Variants in SYN3 observed in about 807,000 individuals in gnomAD.
The protein encoded by SYN3 is synapsin III.
In SYN3, 35 loss-of-function variants were observed where a neutral mutation model predicts 65.8. The observed-to-expected ratio is 0.53, with a 90% CI of 0.41 to 0.70. SYN3 has a LOEUF of 0.70. Among genes scored for constraint, SYN3 ranks in the 30% least tolerant of loss-of-function variants. The pLI is 0.00. For synonymous variants in SYN3, 270 were observed against 292.9 expected (o/e 0.92, Z 0.80); for missense variants, 680 against 749.0 (o/e 0.91, Z 1.08).
chr22:32,582,957 A>G (rs576844960), intron 7 of SYN3, among the ~76,000 whole-genome samples: 19 of 152,274 alleles, frequency 1.2e-4, no homozygotes, highest in African/African-American at 4.6e-4. Context: ...CATGACGTGA[A>G]CAAGGCTGAG....
At chr22:32,514,362 A>G in intron 13 of SYN3, 1 of 152,618 alleles carries the variant, frequency 6.6e-6, no homozygotes, top group Non-Finnish European at 1.5e-5. Flanking sequence ...CTGTAGAGCG[A>G]AGGGTTTGTC....
At chr22:32,868,096 C>A (rs1217301798) in intron 5 of SYN3, among the ~76,000 whole-genome samples, 2 of 152,298 alleles carry the variant, frequency 1.3e-5, no homozygotes, top group Admixed American at 1.3e-4. Context: ...GAAGGGTTGA[C>A]ACTCACTTCA....
intron 13 of SYN3, among the ~76,000 whole-genome samples, chr22:32,516,346 GATTTATTT>G (rs58972175): frequency 0.018 from 2,725 of 149,944 alleles, 66 homozygotes; most frequent in African/African-American, 0.062. Flanking sequence ...ATACATCTTT[GATTTATTT>G]ATTTATTTAT....
chr22:32,998,805 G>C (rs1475821092), intron 2 of SYN3, among the ~76,000 whole-genome samples: 1 of 75,346 alleles, frequency 1.3e-5, no homozygotes, highest in African/African-American at 6.0e-5. Flanking sequence ...AAAAACAAAA[G>C]TCCCTCCATC....
chr22:32,563,173 AG>A (rs2058611687), intron 7 of SYN3, among the ~76,000 whole-genome samples: 1 of 152,238 alleles, frequency 6.6e-6, no homozygotes, highest in Non-Finnish European at 1.5e-5. Flanking sequence ...GAGGCACTAT[AG>A]GTAAGAGGTT....
At chr22:32,887,248 CACATCTGTAGTCCCAGCTACTT>C (rs1341752356) in intron 4 of SYN3, among the ~76,000 whole-genome samples, 1 of 151,980 alleles carries the variant, frequency 6.6e-6, no homozygotes, top group Non-Finnish European at 1.5e-5. Context: ...CATGGTGATG[CACATCTGTAGTCCCAGCTACTT>C]GGGAGGCTGA....
chr22:32,654,772 G>A (rs1250922671), intron 6 of SYN3, among the ~76,000 whole-genome samples: 6 of 152,156 alleles, frequency 3.9e-5, no homozygotes, highest in Non-Finnish European at 5.9e-5. Flanking sequence ...CCCATTCCAC[G>A]TGTTCGGCAG....
intron 3 of SYN3, among the ~76,000 whole-genome samples, chr22:32,958,615 C>T (rs5998669): frequency 0.047 from 7,168 of 152,216 alleles, 410 homozygotes; most frequent in African/African-American, 0.14. Context: ...TGTTTTAGCA[C>T]TTACTATGTG....
In SYN3 at chr22:32,518,219, C is replaced by A; in HGVS notation, c.1434G>T (p.Gln478His). The A allele has an allele frequency of 1.2e-6, 2 of 1,613,906 alleles. No individual in the cohort carries two copies. Among genetic ancestry groups the A allele is most frequent in the Non-Finnish European group, 1.7e-6 (2 of 1,179,968 alleles). Residue 478 changes from glutamine to histidine, a missense_variant, in exon 13 of 14, where the codon CAG becomes CAT. Transcript: ENST00000358763. ...PLSPQSGSPQ[Q>H]QRSPGSPQLS... Reference sequence around the variant, plus strand: ...GCTGCGGAGAGCCTGGTGACCTTTGCTGCTGTGGAGATCCGGACTGGGGGC... The same window carrying A: ...GCTGCGGAGAGCCTGGTGACCTTTGATGCTGTGGAGATCCGGACTGGGGGC...
At chr22:32,904,512 G>A (rs914086984) in intron 4 of SYN3, among the ~76,000 whole-genome samples, 4 of 152,144 alleles carry the variant, frequency 2.6e-5, no homozygotes, top group Admixed American at 6.5e-5. Context: ...TTTTGTGTTA[G>A]ACCACCAAGT....
chr22:32,644,026 C>T (rs1279985393), intron 6 of SYN3, among the ~76,000 whole-genome samples: 22 of 121,684 alleles, frequency 1.8e-4, no homozygotes, highest in Admixed American at 1.7e-3. Flanking sequence ...TGTAGTGAGC[C>T]GAGATCTCAC....
In SYN3 at chr22:32,830,219, G is replaced by A. The variant is rs2267182; in HGVS notation, c.711+34696C>T. ...TGCCCTCTAGCCTCTTCACTGTCTTGGGAAAGGGGGCCTCTCACAAAACAG... is the reference window on the plus strand; with the variant it reads ...TGCCCTCTAGCCTCTTCACTGTCTTAGGAAAGGGGGCCTCTCACAAAACAG... On this transcript the variant is annotated intron_variant, in intron 6 of 13. Transcript: ENST00000358763. Among the ~76,000 whole-genome samples the A allele has an allele frequency of 2.7e-4, 41 of 152,152 alleles. No homozygotes were observed. In the East Asian group the frequency reaches 7.6e-3, roughly 28 times the overall value.
Position 33,006,280 on chromosome 22 carries a change from C to A in SYN3, c.311+72G>T, listed in dbSNP as rs114753578. ...CTCTCATAGCTCTCCCCTTCTATTT[C>A]CCCAGGAGATGAGATAATCCCCACT... is the stretch of plus-strand genomic sequence containing the variant. On this transcript the variant is annotated intron_variant, in intron 2 of 13. Coordinates refer to ENST00000358763, the MANE Select transcript of SYN3 (RefSeq NM_003490.4). The A allele has an allele frequency of 4.8e-3, 7,115 of 1,478,088 alleles. 275 individuals carry two copies. In the African/African-American group the frequency reaches 0.081, roughly 17 times the overall value. The allele number at this position is 1,478,088 out of a possible 1,614,324, so 91.6% of individuals were successfully genotyped here.
intron 4 of SYN3, among the ~76,000 whole-genome samples, chr22:32,913,443 C>A (rs1601682533): frequency 1.3e-5 from 2 of 151,964 alleles, no homozygotes; most frequent in African/African-American, 2.4e-5. Flanking sequence ...CAGGCATGAG[C>A]CACCCCGCAC....
At chr22:32,762,202 G>C (rs548320383) in intron 6 of SYN3, among the ~76,000 whole-genome samples, 98 of 152,240 alleles carry the variant, frequency 6.4e-4, no homozygotes, top group Non-Finnish European at 1.0e-3. Flanking sequence ...TCCTTCCTCA[G>C]GGTTAAAGCA....
chr22:32,799,510 G>A (rs186247005), intron 6 of SYN3, among the ~76,000 whole-genome samples: 1 of 152,270 alleles, frequency 6.6e-6, no homozygotes, highest in African/African-American at 2.4e-5. Flanking sequence ...TCCAGGCAAG[G>A]CCTTCCGTTG....
intron 1 of SYN3, among the ~76,000 whole-genome samples, chr22:33,043,322 C>A (rs370468106): frequency 1.3e-5 from 2 of 152,202 alleles, no homozygotes; most frequent in South Asian, 2.1e-4. Context: ...CCGAGGTGGG[C>A]GGATCACCTG....
At chr22:32,779,868 G>A (rs1171761217) in intron 6 of SYN3, among the ~76,000 whole-genome samples, 2 of 152,074 alleles carry the variant, frequency 1.3e-5, no homozygotes, top group African/African-American at 4.8e-5. Flanking sequence ...ATTCTGCCCT[G>A]GGATAACCTG....
At chr22:33,044,320 G>A (rs192127212) in intron 1 of SYN3, among the ~76,000 whole-genome samples, 59 of 152,238 alleles carry the variant, frequency 3.9e-4, no homozygotes, top group Middle Eastern at 6.8e-3. Context: ...GCCTAGTCAC[G>A]TGAGACTTTG....
Sources: allele counts gnomAD v4.1 joint callset (sites outside exome capture counted in the v4.1 genomes callset), GRCh38; gene constraint gnomAD v4.1.1; transcripts MANE v1.5; gene names NCBI Gene and HGNC (gene_info 2026-07-23, HGNC 2026-07-21).